Variants in CACNA1C observed in about 807,000 individuals in gnomAD.
CACNA1C encodes calcium voltage-gated channel subunit alpha1 C.
Under a neutral mutation model 229.0 loss-of-function variants are expected in CACNA1C, and 30 were observed. The observed-to-expected ratio is 0.13, with a 90% CI of 0.10 to 0.18. The LOEUF (loss-of-function observed/expected upper bound fraction) is 0.18. Among genes scored for constraint, CACNA1C ranks in the 10% least tolerant of loss-of-function variants. The pLI is 1.00. For missense variants in CACNA1C, 1,658 were observed against 2,845.0 expected (o/e 0.58, Z 9.49); for synonymous variants, 1,114 against 1,132.5 (o/e 0.98, Z 0.33).
chr12:2,685,739 C>T lies in CACNA1C; in HGVS notation c.5577C>T (p.Leu1859=), dbSNP rs1193794181. 1.2e-5 allele frequency: 19 copies of T among 1,612,934 alleles called. No homozygotes were observed. Among genetic ancestry groups the T allele is most frequent in the Non-Finnish European group, 1.6e-5 (19 of 1,178,918 alleles). ...SEPSLLSTEM[L]SYQDDENRQL... is the part of the protein sequence containing the mutation. Reference sequence around the variant, plus strand: ...CCCCATGAGCTCTCTGTTCCAGGCTCTCCTACCAGGATGACGAAAATCGGC... The same window carrying T: ...CCCCATGAGCTCTCTGTTCCAGGCTTTCCTACCAGGATGACGAAAATCGGC... The change falls in exon 44 of 47, where the codon CTC becomes CTT. Residue 1859 remains leucine (L), a synonymous_variant. Transcript: ENST00000399655.
rs1473709599 is a variant in CACNA1C at position 2,653,801 on chromosome 12, C to G, written c.4075-34C>G. On this transcript the variant is annotated intron_variant, in intron 32 of 46. Coordinates refer to ENST00000399655, the MANE Select transcript of CACNA1C (RefSeq NM_000719.7). This position sits in a 1 kb window ranked among gnomAD's most constrained non-coding sequence, Gnocchi z 4.7. ...AGGGGCCCAGCTGGCCTCTGCACTC[C>G]AGCCTCATGGGAGTCTCCTGCACTT... 2.5e-6 allele frequency: 4 copies of G among 1,602,544 alleles called. No individual in the cohort carries two copies. Among genetic ancestry groups the G allele is most frequent in the Admixed American group, 1.7e-5 (1 of 59,948 alleles).
upstream of CACNA1C, among the ~76,000 whole-genome samples, chr12:2,051,924 G>A (rs773566326): frequency 2.6e-5 from 4 of 152,214 alleles, no homozygotes; most frequent in African/African-American, 7.2e-5. Context: ...GAATGGTTAG[G>A]GTCACCCAGG....
chr12:2,155,708 G>A (rs2095519370), intron 3 of CACNA1C, among the ~76,000 whole-genome samples: 1 of 152,210 alleles, frequency 6.6e-6, no homozygotes, highest in African/African-American at 2.4e-5. Flanking sequence ...AAATGAGGGT[G>A]TCTCCTTTCC....
intron 9 of CACNA1C, among the ~76,000 whole-genome samples, chr12:2,523,714 T>C (rs1169162873): frequency 1.3e-5 from 2 of 152,194 alleles, no homozygotes; most frequent in Non-Finnish European, 2.9e-5. Flanking sequence ...AAAGAGCTGA[T>C]TTGACTTTAA....
At chr12:2,565,293 C>CT (rs1196090396) in intron 11 of CACNA1C, among the ~76,000 whole-genome samples, 2 of 151,542 alleles carry the variant, frequency 1.3e-5, no homozygotes, top group Non-Finnish European at 2.9e-5. Context: ...AAGGTGAAAC[C>CT]CGTCTCTACT....
chr12:2,457,733 G>T (rs373549595), intron 5 of CACNA1C, 27 bp downstream of exon 5: 161 of 1,534,834 alleles, frequency 1.0e-4, no homozygotes, highest in Non-Finnish European at 1.4e-4. Context: ...CTTGTGTACA[G>T]TGTTATCTCC....
At chr12:2,489,457 A>C (rs1273772172) in intron 6 of CACNA1C, among the ~76,000 whole-genome samples, 1 of 152,170 alleles carries the variant, frequency 6.6e-6, no homozygotes, top group African/African-American at 2.4e-5. Context: ...AGGCATCTGC[A>C]AGGCGCCTTC....
At chr12:2,328,676 A>C (rs1261110195) in intron 3 of CACNA1C, among the ~76,000 whole-genome samples, 2 of 152,190 alleles carry the variant, frequency 1.3e-5, no homozygotes, top group African/African-American at 4.8e-5. Flanking sequence ...TGAATCAATG[A>C]ATGCCACTTG....
At chr12:2,572,041 T>C (rs954501642) in intron 13 of CACNA1C, among the ~76,000 whole-genome samples, 25 of 144,730 alleles carry the variant, frequency 1.7e-4, no homozygotes, top group South Asian at 4.3e-4. Context: ...TCTTCTCTTT[T>C]TTTTTTTTTT....
At chr12:2,004,679 C>T in intron 1 of CACNA1C, 3 of 521,970 alleles carry the variant, frequency 5.7e-6, no homozygotes, top group East Asian at 3.4e-5. Context: ...CTCTGCATCC[C>T]GTTTCTTTCT....
At chr12:2,413,048 C>T (rs538317434) in intron 3 of CACNA1C, among the ~76,000 whole-genome samples, 21 of 152,326 alleles carry the variant, frequency 1.4e-4, no homozygotes, top group Admixed American at 2.0e-4. Flanking sequence ...GAAGGAGTCT[C>T]GCTCTGTCGC....
At chr12:2,123,136 G>A (rs139777065) in intron 3 of CACNA1C, among the ~76,000 whole-genome samples, 1 of 152,150 alleles carries the variant, frequency 6.6e-6, no homozygotes, top group Non-Finnish European at 1.5e-5. Flanking sequence ...CAGCACTTTG[G>A]GAGGTTGAGG....
intron 1 of CACNA1C, among the ~76,000 whole-genome samples, chr12:2,056,016 A>T (rs1400225201): frequency 1.3e-5 from 2 of 152,152 alleles, no homozygotes; most frequent in African/African-American, 4.8e-5. Flanking sequence ...ACAGAAGAGG[A>T]GTCTAGGACT....
chr12:2,004,207 C>G (rs779682879), intron 1 of CACNA1C: 2 of 1,583,832 alleles, frequency 1.3e-6, no homozygotes, highest in Non-Finnish European at 1.7e-6. Flanking sequence ...TCACCGGGTC[C>G]TCAAGTCCTG....
chr12:2,676,375 C>T (rs2153780807), intron 39 of CACNA1C: 1 of 152,344 alleles, frequency 6.6e-6, no homozygotes, highest in South Asian at 2.1e-4. Flanking sequence ...TCTCTTGGGC[C>T]CGTGGCATCT....
At chr12:2,241,756 C>T (rs1232431835) in intron 3 of CACNA1C, among the ~76,000 whole-genome samples, 1 of 152,206 alleles carries the variant, frequency 6.6e-6, no homozygotes, top group African/African-American at 2.4e-5. Flanking sequence ...GGAAAGATCC[C>T]TCCCAATGTG....
In CACNA1C at chr12:2,493,448, C is replaced by G; in HGVS notation, c.1113+62C>G. 1 of 1,268,490 alleles carries G rather than the reference C, an allele frequency of 7.9e-7. No homozygotes were observed. Among genetic ancestry groups the G allele is most frequent in the Non-Finnish European group, 1.1e-6 (1 of 871,572 alleles). 78.6% of individuals were successfully genotyped at this position (1,268,490 alleles called of 1,614,324 possible). A position where few individuals can be genotyped will look rare whatever the true frequency, so the allele number is the denominator to read the frequency against. ...ACAGCGGCCGTGAACCCTTCCCTGA[C>G]ACCTCCCTTTCTCCTCCTCCCCATG... is the stretch of plus-strand genomic sequence containing the variant. On this transcript the variant is annotated intron_variant, in intron 7 of 46. Coordinates refer to ENST00000399655, the MANE Select transcript of CACNA1C (RefSeq NM_000719.7). This position sits in a 1 kb window ranked among gnomAD's most constrained non-coding sequence, Gnocchi z 4.6.
At chr12:2,499,910 C>T (rs1182573515) in intron 7 of CACNA1C, among the ~76,000 whole-genome samples, 1 of 152,138 alleles carries the variant, frequency 6.6e-6, no homozygotes, top group East Asian at 1.9e-4. Context: ...ACTTCAGAGC[C>T]ACCCAGCTTT....
At position 2,646,700 on chromosome 12, in the gene CACNA1C, C is replaced by A. The variant is rs185697359; in HGVS notation, c.3913-1775C>A. 7.3e-4 allele frequency among the ~76,000 whole-genome samples: 111 copies of A among 151,818 alleles called. No individual in the cohort carries two copies. Among genetic ancestry groups the A allele is most frequent in the Non-Finnish European group, 1.2e-3 (83 of 67,958 alleles). On this transcript the variant is annotated intron_variant, in intron 30 of 46. Transcript: ENST00000399655. This position sits in a 1 kb window ranked among gnomAD's most constrained non-coding sequence, Gnocchi z 4.6. ...CCTGGGCAACTATCACACACCAGAGCAAAAGGGGTTTAGGTGCTTTGCCAA... is the reference window on the plus strand; with the variant it reads ...CCTGGGCAACTATCACACACCAGAGAAAAAGGGGTTTAGGTGCTTTGCCAA...
Sources: allele counts gnomAD v4.1 joint callset (sites outside exome capture counted in the v4.1 genomes callset), GRCh38; gene constraint gnomAD v4.1.1; non-coding constraint Gnocchi (gnomAD v3.1); transcripts MANE v1.5; gene names NCBI Gene and HGNC (gene_info 2026-07-23, HGNC 2026-07-21).